The following TNFSF4 variants were observed in gnomAD, a reference collection of about 807,000 sequenced individuals.
The protein encoded by TNFSF4 is TNF superfamily member 4, also known as tumor necrosis factor ligand superfamily member 4.
A neutral mutation model predicts 7.3 loss-of-function variants in TNFSF4; 4 were observed. The ratio of observed to expected loss-of-function variants is 0.55; its 90% CI spans 0.27 to 1.25. The LOEUF (loss-of-function observed/expected upper bound fraction) is 1.25, where lower values mean the gene tolerates loss of function less well. Among genes scored for constraint, TNFSF4 ranks in the 50% most tolerant of loss-of-function variants. The probability of loss-of-function intolerance (pLI) is 0.12; values close to 1 mark genes in which losing one functional copy is unlikely to be tolerated. For missense variants in TNFSF4, 181 were observed against 208.8 expected (o/e 0.87, Z 0.82); for synonymous variants, 76 against 83.7 (o/e 0.91, Z 0.50).
chr1:173,420,045 T>A, the TNFSF4 span, among the ~76,000 whole-genome samples: 94,316 of 151,976 alleles, frequency 0.62, 30,641 homozygotes, highest in South Asian at 0.78. Flanking sequence ...GTGAGCTGCA[T>A]GCAGCAAAAT....
the TNFSF4 span, among the ~76,000 whole-genome samples, chr1:173,304,745 C>A: frequency 6.6e-6 from 1 of 151,970 alleles, no homozygotes; most frequent in Non-Finnish European, 1.5e-5. Flanking sequence ...TGGCATGGAA[C>A]CTGGCTTCCC....
At chr1:173,326,348 G>A in the TNFSF4 span, among the ~76,000 whole-genome samples, 1 of 152,122 alleles carries the variant, frequency 6.6e-6, no homozygotes, top group South Asian at 2.1e-4. Context: ...AATAAATTAG[G>A]TATTGATGGG....
chr1:173,277,397 CCT>C, the TNFSF4 span, among the ~76,000 whole-genome samples: 14 of 152,080 alleles, frequency 9.2e-5, no homozygotes, highest in African/African-American at 3.4e-4. Context: ...ACCTGTGTAG[CCT>C]TTCTAACCTA....
chr1:173,188,011 T>C (rs1429745974), intron 2 of TNFSF4, among the ~76,000 whole-genome samples: 1 of 152,118 alleles, frequency 6.6e-6, no homozygotes, highest in Non-Finnish European at 1.5e-5. Context: ...AGAACTTAAC[T>C]AAAAAATGAA....
In TNFSF4 at chr1:173,190,356, G is replaced by C. The variant is rs183346904; in HGVS notation, c.154-1787C>G. On this transcript the variant is annotated intron_variant, in intron 1 of 2. Coordinates refer to ENST00000281834, the MANE Select transcript of TNFSF4 (RefSeq NM_003326.5). ...TTCCCACTCTCCTGGCACACTGGTAGCTTCAGTCAAGCATATTCCATTGGC... is the reference window on the plus strand; with the variant it reads ...TTCCCACTCTCCTGGCACACTGGTACCTTCAGTCAAGCATATTCCATTGGC... Among the ~76,000 whole-genome samples, 24 of 152,326 alleles carry C rather than the reference G, an allele frequency of 1.6e-4. 1 individual carries two copies. The highest frequency in any genetic ancestry group is 1.3e-3 in the Admixed American group (20 of 15,308).
the TNFSF4 span, among the ~76,000 whole-genome samples, chr1:173,395,420 GGA>G: frequency 4.0e-5 from 2 of 49,544 alleles, no homozygotes; most frequent in Non-Finnish European, 8.2e-5. Flanking sequence ...ATATATATAT[GGA>G]GAGAGAGAGA....
At chr1:173,193,323 G>T (rs771379881) in intron 1 of TNFSF4, among the ~76,000 whole-genome samples, 1 of 152,106 alleles carries the variant, frequency 6.6e-6, no homozygotes, top group Non-Finnish European at 1.5e-5. Flanking sequence ...AATCTGGAAG[G>T]TCTGAAGAGT....
rs1036056559 is a variant in TNFSF4, at chr1:173,196,255, A to C, written c.154-7686T>G. 3.9e-5 allele frequency among the ~76,000 whole-genome samples: 6 copies of C among 152,184 alleles called. No homozygotes were observed. The South Asian group carries it at 1.2e-3, about 32-fold the overall frequency. On this transcript the variant is annotated intron_variant, in intron 1 of 2. Transcript: ENST00000281834. ...GAAGGAGTTTCTCATATTCAGAAAG[A>C]CTTATCCCAAAAGTTACATTTCTTA... is the stretch of plus-strand genomic sequence containing the variant.
the TNFSF4 span, among the ~76,000 whole-genome samples, chr1:173,222,232 A>G: frequency 0.4 from 58,288 of 146,150 alleles, 12,279 homozygotes; most frequent in Admixed American, 0.51. Context: ...GTACTCTCCC[A>G]TGGGTGGGTG....
the TNFSF4 span, among the ~76,000 whole-genome samples, chr1:173,343,675 A>G: frequency 6.6e-6 from 1 of 152,336 alleles, no homozygotes; most frequent in South Asian, 2.1e-4. Context: ...CATTCTAAAC[A>G]ATCTTTTCTT....
chr1:173,383,912 G>T, the TNFSF4 span, among the ~76,000 whole-genome samples: 1 of 152,148 alleles, frequency 6.6e-6, no homozygotes, highest in Non-Finnish European at 1.5e-5. Flanking sequence ...ATTTAATGAG[G>T]TGATATTAAT....
the TNFSF4 span, among the ~76,000 whole-genome samples, chr1:173,291,918 T>C: frequency 2.0e-5 from 3 of 151,774 alleles, no homozygotes; most frequent in African/African-American, 4.8e-5. Context: ...GATAAATTCC[T>C]GAACACACAA....
the TNFSF4 span, among the ~76,000 whole-genome samples, chr1:173,238,885 A>G: frequency 3.3e-5 from 5 of 152,138 alleles, no homozygotes; most frequent in African/African-American, 1.2e-4. Flanking sequence ...AGAGGCCAAA[A>G]AAAGGGTATT....
chr1:173,337,282 G>A, the TNFSF4 span, among the ~76,000 whole-genome samples: 1 of 152,058 alleles, frequency 6.6e-6, no homozygotes, highest in Non-Finnish European at 1.5e-5. Context: ...CTTAATTATG[G>A]GCCACCAAGT....
the TNFSF4 span, among the ~76,000 whole-genome samples, chr1:173,224,837 TC>T: frequency 6.6e-6 from 1 of 152,198 alleles, no homozygotes; most frequent in African/African-American, 2.4e-5. Flanking sequence ...AATCACACTT[TC>T]TACCCAAACC....
the TNFSF4 span, among the ~76,000 whole-genome samples, chr1:173,241,543 A>G: frequency 6.6e-6 from 1 of 152,244 alleles, no homozygotes; most frequent in East Asian, 1.9e-4. Context: ...CTCTCTATTC[A>G]CAGCATTAGT....
At chr1:173,307,114 A>ACTTTATAAAATG in the TNFSF4 span, among the ~76,000 whole-genome samples, 5 of 152,024 alleles carry the variant, frequency 3.3e-5, no homozygotes, top group African/African-American at 9.6e-5. Flanking sequence ...CACATAAAAT[A>ACTTTATAAAATG]CTTTATAAAA....
chr1:173,287,899 T>C, the TNFSF4 span, among the ~76,000 whole-genome samples: 2 of 152,226 alleles, frequency 1.3e-5, no homozygotes, highest in African/African-American at 4.8e-5. Context: ...TTACAGAATG[T>C]AGATACAAAG....
chr1:173,375,278 A>G, the TNFSF4 span, among the ~76,000 whole-genome samples: 3 of 152,046 alleles, frequency 2.0e-5, no homozygotes, highest in African/African-American at 7.2e-5. Flanking sequence ...TGACCCACTG[A>G]CCCTTTGACT....
Sources: gnomAD v4.1 joint callset for allele counts (sites outside exome capture counted in the v4.1 genomes callset) on GRCh38, gnomAD v4.1.1 for gene constraint, MANE v1.5 for transcripts, NCBI Gene and HGNC (gene_info 2026-07-23, HGNC 2026-07-21) for gene names.